PIP4K2A: variants seen among roughly 807,000 people sequenced by gnomAD.
PIP4K2A encodes the protein phosphatidylinositol-5-phosphate 4-kinase type 2 alpha, also known as phosphatidylinositol 5-phosphate 4-kinase type-2 alpha.
PIP4K2A carries 14 observed loss-of-function variants against 42.9 expected under a neutral mutation model. That is an observed-to-expected ratio of 0.33 (90% CI 0.22 to 0.51). The LOEUF is 0.51. Among genes scored for constraint, PIP4K2A ranks in the 20% least tolerant of loss-of-function variants. PIP4K2A has a pLI of 0.97. For missense variants in PIP4K2A, 434 were observed against 519.8 expected (o/e 0.83, Z 1.61); for synonymous variants, 192 against 192.2 (o/e 1.00, Z 0.01).
intron 1 of PIP4K2A, among the ~76,000 whole-genome samples, chr10:22,679,748 T>C (rs1181711089): frequency 6.6e-6 from 1 of 152,178 alleles, no homozygotes; most frequent in Admixed American, 6.5e-5. Context: ...TTAAGTATTG[T>C]TACAAGGTAC....
intron 7 of PIP4K2A, among the ~76,000 whole-genome samples, chr10:22,545,227 GCAA>G (rs1408505595): frequency 6.6e-6 from 1 of 152,238 alleles, no homozygotes; most frequent in African/African-American, 2.4e-5. Context: ...AAACAACAAA[GCAA>G]CAACAGAAAA....
At chr10:22,609,304 G>T (rs1475014956) in intron 2 of PIP4K2A, among the ~76,000 whole-genome samples, 1 of 152,164 alleles carries the variant, frequency 6.6e-6, no homozygotes, top group Non-Finnish European at 1.5e-5. Flanking sequence ...AAAGTTCTGT[G>T]TACAAGAGCA....
chr10:22,641,664 G>C (rs1008981866), intron 1 of PIP4K2A, among the ~76,000 whole-genome samples: 1 of 151,726 alleles, frequency 6.6e-6, no homozygotes, highest in South Asian at 2.1e-4. Flanking sequence ...AGCCCAGCTG[G>C]TCTCAAACTC....
intron 4 of PIP4K2A, among the ~76,000 whole-genome samples, chr10:22,579,682 G>T (rs1327913484): frequency 6.6e-6 from 1 of 152,036 alleles, no homozygotes; most frequent in Non-Finnish European, 1.5e-5. Context: ...GGGGAGGGTG[G>T]ATTACTTGAA....
chr10:22,566,597 C>T (rs1187194114), intron 6 of PIP4K2A, among the ~76,000 whole-genome samples: 1 of 152,202 alleles, frequency 6.6e-6, no homozygotes, highest in Non-Finnish European at 1.5e-5. Context: ...CTCCGGGCTA[C>T]TTCATCAGCC....
chr10:22,657,754 T>C (rs1266436205), intron 1 of PIP4K2A, among the ~76,000 whole-genome samples: 1 of 152,210 alleles, frequency 6.6e-6, no homozygotes, highest in Non-Finnish European at 1.5e-5. Flanking sequence ...AAGCAAGAAG[T>C]GTAGCTGGCC....
intron 3 of PIP4K2A, among the ~76,000 whole-genome samples, chr10:22,596,819 T>G (rs1379852156): frequency 6.6e-6 from 1 of 152,194 alleles, no homozygotes; most frequent in East Asian, 1.9e-4. Flanking sequence ...TTCTCCAACA[T>G]CAGGTGGGCT....
At position 22,585,878 on chromosome 10, in the gene PIP4K2A, G is replaced by A. The variant is rs193270977; in HGVS notation, c.492+5751C>T. ...CCCAAAGCACTGGGGTTACAGGCAT[G>A]AGCCACTGTGTCCAGTCAATACTTT... On this transcript the variant is annotated intron_variant, in intron 4 of 9. Coordinates refer to ENST00000376573, the MANE Select transcript of PIP4K2A (RefSeq NM_005028.5). Among the ~76,000 whole-genome samples, 11 of 152,266 alleles carry A rather than the reference G, an allele frequency of 7.2e-5. No homozygotes were observed. The East Asian group carries it at 2.1e-3, about 29-fold the overall frequency.
chr10:22,561,059 GACC>G (rs1564421255), intron 6 of PIP4K2A, among the ~76,000 whole-genome samples: 1 of 152,206 alleles, frequency 6.6e-6, no homozygotes, highest in Admixed American at 6.5e-5. Context: ...TGAAAAGATC[GACC>G]ACCAGGGAGG....
At chr10:22,697,883 G>A (rs557225001) in intron 1 of PIP4K2A, among the ~76,000 whole-genome samples, 1 of 152,266 alleles carries the variant, frequency 6.6e-6, no homozygotes, top group African/African-American at 2.4e-5. Context: ...CAGTCAGACC[G>A]AGGATAATGA....
In PIP4K2A at chr10:22,614,370, C is replaced by T. The variant is rs112488405; in HGVS notation, c.145-4653G>A. Among the ~76,000 whole-genome samples, 293 of 152,366 alleles carry T rather than the reference C, an allele frequency of 1.9e-3. 2 individuals carry two copies. Among genetic ancestry groups the T allele is most frequent in the African/African-American group, 4.7e-3 (196 of 41,582 alleles). Reference sequence around the variant, plus strand: ...GTAATATGTCCTGGTACAGCAGTATCTATACCTTCATAATTGAGTAGTGCG... The same window carrying T: ...GTAATATGTCCTGGTACAGCAGTATTTATACCTTCATAATTGAGTAGTGCG... On this transcript the variant is annotated intron_variant, in intron 1 of 9. Transcript: ENST00000376573.
rs117070332 is a variant in PIP4K2A at position 22,615,786 on chromosome 10, T to C, written c.145-6069A>G. On this transcript the variant is annotated intron_variant, in intron 1 of 9. Transcript: ENST00000376573. ...TTAATGGTTGTCAAATACTTAATGGTTGTCAATCCCCTTTGGCAAACACAG... is the reference window on the plus strand; with the variant it reads ...TTAATGGTTGTCAAATACTTAATGGCTGTCAATCCCCTTTGGCAAACACAG... 6.8e-3 allele frequency among the ~76,000 whole-genome samples: 1,040 copies of C among 152,292 alleles called. 6 individuals are homozygous for C. The highest frequency in any genetic ancestry group is 0.02 in the Middle Eastern group (6 of 294).
intron 1 of PIP4K2A, among the ~76,000 whole-genome samples, chr10:22,650,145 G>A (rs1838962547): frequency 3.3e-5 from 5 of 152,172 alleles, no homozygotes; most frequent in Admixed American, 3.3e-4. Flanking sequence ...CCTGCCTTGT[G>A]GGCCACTCCC....
chr10:22,642,589 TA>T (rs1405352647), intron 1 of PIP4K2A, among the ~76,000 whole-genome samples: 2 of 34,382 alleles, frequency 5.8e-5, no homozygotes, highest in East Asian at 1.7e-3. Flanking sequence ...TATGTGTATT[TA>T]TAAACAGATC....
At chr10:22,704,027 C>T (rs1340920336) in intron 1 of PIP4K2A, among the ~76,000 whole-genome samples, 5 of 151,992 alleles carry the variant, frequency 3.3e-5, no homozygotes, top group Non-Finnish European at 7.4e-5. Flanking sequence ...TCTGAGATGT[C>T]TATTAGTTAT....
intron 1 of PIP4K2A, among the ~76,000 whole-genome samples, chr10:22,619,087 T>C (rs1838252611): frequency 6.7e-6 from 1 of 149,704 alleles, no homozygotes; most frequent in Non-Finnish European, 1.5e-5. Context: ...GGGGAAAAAA[T>C]CACCAACTTG....
intron 1 of PIP4K2A, among the ~76,000 whole-genome samples, chr10:22,693,209 T>C (rs929838487): frequency 6.6e-6 from 1 of 152,226 alleles, no homozygotes; most frequent in African/African-American, 2.4e-5. Context: ...CAAGTTCCAA[T>C]GTCAATTTCC....
At chr10:22,570,617 C>G (rs1433512722) in intron 5 of PIP4K2A, among the ~76,000 whole-genome samples, 1 of 152,234 alleles carries the variant, frequency 6.6e-6, no homozygotes, top group Non-Finnish European at 1.5e-5. Flanking sequence ...ATTTCCTTCA[C>G]TTAGACTAGC....
At chr10:22,664,082 TATATATAC>T (rs1312476777) in intron 1 of PIP4K2A, among the ~76,000 whole-genome samples, 4 of 72,604 alleles carry the variant, frequency 5.5e-5, no homozygotes, top group African/African-American at 3.4e-4. Flanking sequence ...TATACGTATA[TATATATAC>T]ATATATATAT....
Sources: gnomAD v4.1 joint callset for allele counts (sites outside exome capture counted in the v4.1 genomes callset) on GRCh38, gnomAD v4.1.1 for gene constraint, MANE v1.5 for transcripts, NCBI Gene and HGNC (gene_info 2026-07-23, HGNC 2026-07-21) for gene names.